The following SAMD12 variants were observed in gnomAD, a reference collection of about 807,000 sequenced individuals.
The protein encoded by SAMD12 is sterile alpha motif domain containing 12, also known as sterile alpha motif domain-containing protein 12.
SAMD12 carries 9 observed loss-of-function variants against 15.0 expected under a neutral mutation model. The observed-to-expected ratio is 0.60, with a 90% CI of 0.36 to 1.05. The LOEUF is 1.05. SAMD12 is among the 50% of genes least tolerant of loss of function. The pLI is 0.01. For synonymous variants in SAMD12, 86 were observed against 90.1 expected, an observed-to-expected ratio of 0.96 and a Z score of 0.25; for missense variants, 230 against 234.2, an observed-to-expected ratio of 0.98 and a Z score of 0.12.
intron 4 of SAMD12, among the ~76,000 whole-genome samples, chr8:118,263,579 A>G (rs1170536482): frequency 2.0e-5 from 3 of 152,036 alleles, no homozygotes; most frequent in Non-Finnish European, 4.4e-5. Context: ...CCTAAATGTC[A>G]CTGAAAGATG....
chr8:118,286,623 G>T (rs1814037356), intron 4 of SAMD12, among the ~76,000 whole-genome samples: 1 of 152,206 alleles, frequency 6.6e-6, no homozygotes, highest in Non-Finnish European at 1.5e-5. Context: ...CTTTAGCTGG[G>T]AAGCCAGCGT....
At chr8:118,409,850 C>T (rs1821322348) in intron 3 of SAMD12, among the ~76,000 whole-genome samples, 1 of 151,620 alleles carries the variant, frequency 6.6e-6, no homozygotes, top group African/African-American at 2.4e-5. Flanking sequence ...TAATTAGCTG[C>T]ACTAATCATG....
intron 1 of SAMD12, among the ~76,000 whole-genome samples, chr8:118,615,190 T>C (rs1007797105): frequency 1.3e-5 from 2 of 152,054 alleles, no homozygotes; most frequent in Non-Finnish European, 2.9e-5. Context: ...TACTCAGTTT[T>C]GTGCCCTTTC....
chr8:118,478,619 C>T (rs1435094506), intron 2 of SAMD12, among the ~76,000 whole-genome samples: 2 of 152,218 alleles, frequency 1.3e-5, no homozygotes, highest in African/African-American at 4.8e-5. Flanking sequence ...TAGCAAACAT[C>T]ATACAGCTTG....
chr8:118,529,256 T>G (rs564047223), intron 2 of SAMD12, among the ~76,000 whole-genome samples: 1 of 152,332 alleles, frequency 6.6e-6, no homozygotes, highest in Admixed American at 6.5e-5. Context: ...TCCAGAACTT[T>G]TAGTCGCAAT....
chr8:118,349,171 C>T (rs765664083), intron 4 of SAMD12, among the ~76,000 whole-genome samples: 1 of 152,182 alleles, frequency 6.6e-6, no homozygotes, highest in Non-Finnish European at 1.5e-5. Flanking sequence ...TGAAAAATGA[C>T]AAACTGCCAC....
intron 3 of SAMD12, among the ~76,000 whole-genome samples, chr8:118,412,032 A>T (rs1821434846): frequency 6.6e-6 from 1 of 152,208 alleles, no homozygotes; most frequent in South Asian, 2.1e-4. Context: ...TGTGGCAAAC[A>T]AAGCCTAAAC....
At chr8:118,602,151 C>T (rs975988932) in intron 1 of SAMD12, among the ~76,000 whole-genome samples, 1 of 152,158 alleles carries the variant, frequency 6.6e-6, no homozygotes, top group Non-Finnish European at 1.5e-5. Flanking sequence ...AAAAAATATG[C>T]TTGCCCCAAG....
chr8:118,438,953 T>C (rs1013843586), intron 3 of SAMD12, among the ~76,000 whole-genome samples: 11 of 152,278 alleles, frequency 7.2e-5, no homozygotes, highest in Admixed American at 5.9e-4. Context: ...GCACTGTTTG[T>C]GCAGGGAAAA....
chr8:118,618,817 C>T (rs1256829057), intron 1 of SAMD12, among the ~76,000 whole-genome samples: 4 of 139,956 alleles, frequency 2.9e-5, no homozygotes, highest in Admixed American at 1.6e-4. Flanking sequence ...CCAGCCTGGG[C>T]GACAGAGCAA....
At chr8:118,575,079 G>A (rs1827113833) in intron 2 of SAMD12, among the ~76,000 whole-genome samples, 1 of 152,168 alleles carries the variant, frequency 6.6e-6, no homozygotes, top group Non-Finnish European at 1.5e-5. Flanking sequence ...ATGTCCACAA[G>A]TTGCCCTGCA....
At chr8:118,518,560 C>G (rs1825306633) in intron 2 of SAMD12, among the ~76,000 whole-genome samples, 1 of 152,126 alleles carries the variant, frequency 6.6e-6, no homozygotes. Context: ...AGCACAGTGC[C>G]TGCTTAATAC....
chr8:118,132,678 C>T, the SAMD12 span, among the ~76,000 whole-genome samples: 1 of 152,068 alleles, frequency 6.6e-6, no homozygotes, highest in African/African-American at 2.4e-5. Context: ...GCCACAGCAA[C>T]ACCTGCTGCA....
At chr8:118,533,828 A>G (rs1487392365) in intron 2 of SAMD12, among the ~76,000 whole-genome samples, 1 of 150,526 alleles carries the variant, frequency 6.6e-6, no homozygotes, top group Non-Finnish European at 1.5e-5. Context: ...TTTTGAGCCT[A>G]TGCGTGTCTC....
intron 3 of SAMD12, among the ~76,000 whole-genome samples, chr8:118,428,058 T>A (rs577090016): frequency 2.8e-4 from 42 of 152,378 alleles, no homozygotes; most frequent in Admixed American, 9.1e-4. Context: ...ATGTGCCTTT[T>A]GGCCATTCTT....
intron 2 of SAMD12, among the ~76,000 whole-genome samples, chr8:118,572,220 G>A (rs1438563253): frequency 1.3e-5 from 2 of 152,162 alleles, no homozygotes; most frequent in Admixed American, 6.5e-5. Flanking sequence ...TCTCCCATTT[G>A]GAATGGCTGT....
At chr8:118,544,633 A>G (rs946834206) in intron 2 of SAMD12, among the ~76,000 whole-genome samples, 1 of 152,220 alleles carries the variant, frequency 6.6e-6, no homozygotes, top group African/African-American at 2.4e-5. Flanking sequence ...TAGAGACCCA[A>G]GGGAAAAACC....
intron 4 of SAMD12, among the ~76,000 whole-genome samples, chr8:118,315,845 G>T (rs547728635): frequency 6.6e-6 from 1 of 152,206 alleles, no homozygotes; most frequent in South Asian, 2.1e-4. Context: ...GCTGGTTGGT[G>T]GGGGCAGCAT....
chr8:118,359,416 C>A (rs1211530416), intron 4 of SAMD12, among the ~76,000 whole-genome samples: 1 of 152,150 alleles, frequency 6.6e-6, no homozygotes, highest in African/African-American at 2.4e-5. Context: ...GCTATGGCAG[C>A]CCCAGCCGAC....
Sources: allele counts gnomAD v4.1 joint callset (sites outside exome capture counted in the v4.1 genomes callset), GRCh38; gene constraint gnomAD v4.1.1; transcripts MANE v1.5; gene names NCBI Gene and HGNC (gene_info 2026-07-23, HGNC 2026-07-21).